ZNF33B: variants seen among roughly 807,000 people sequenced by gnomAD.
The protein encoded by ZNF33B is zinc finger protein 33B.
ZNF33B carries 29 observed loss-of-function variants against 45.8 expected under a neutral mutation model. The observed-to-expected ratio is 0.63, with a 90% CI of 0.47 to 0.86. The LOEUF is 0.86. Among genes scored for constraint, ZNF33B ranks in the 40% least tolerant of loss-of-function variants. ZNF33B has a pLI of 0.00. For synonymous variants in ZNF33B, 305 were observed against 307.8 expected, an observed-to-expected ratio of 0.99 and a Z score of 0.10; for missense variants, 831 against 909.9, an observed-to-expected ratio of 0.91 and a Z score of 1.12.
At chr10:42,637,693 G>A (rs771608526) in intron 1 of ZNF33B, among the ~76,000 whole-genome samples, 1 of 152,104 alleles carries the variant, frequency 6.6e-6, no homozygotes, top group Non-Finnish European at 1.5e-5. Flanking sequence ...ACGGAGTTTC[G>A]TTCTTGTTGC....
chr10:42,606,557 A>G (rs542776276), intron 4 of ZNF33B, among the ~76,000 whole-genome samples: 51 of 152,194 alleles, frequency 3.4e-4, no homozygotes, highest in Non-Finnish European at 4.4e-4. Context: ...GAATTAAAGC[A>G]GAAATGAAGA....
chr10:42,612,877 A>G (rs907543480), intron 4 of ZNF33B, among the ~76,000 whole-genome samples: 3 of 152,138 alleles, frequency 2.0e-5, no homozygotes, highest in African/African-American at 4.8e-5. Flanking sequence ...TATGGATTCA[A>G]TTTATTTAAC....
chr10:42,594,256 C>A lies in ZNF33B; in HGVS notation c.694G>T (p.Ala232Ser). The A allele has an allele frequency of 6.2e-7, 1 of 1,613,752 alleles. No individual in the cohort carries two copies. Reference sequence around the variant, plus strand: ...TCTCTCTTCCGTGTATTGAATACTGCCTTTTCAAGGAGGGTTTCCTGACAT... The same window carrying A: ...TCTCTCTTCCGTGTATTGAATACTGACTTTTCAAGGAGGGTTTCCTGACAT... The part of the protein sequence containing the change: ...SICQETLLEK[A>S]VFNTRKRENA... The change falls in exon 5 of 5, where the codon GCA (alanine) becomes TCA (serine). Residue 232 changes from alanine to serine, a missense_variant. Physicochemically the swap from Ala to Ser is moderately conservative, Grantham distance 99. Coordinates refer to ENST00000359467, the MANE Select transcript of ZNF33B (RefSeq NM_006955.3).
chr10:42,601,663 A>G (rs1837629028), intron 4 of ZNF33B, among the ~76,000 whole-genome samples: 1 of 151,194 alleles, frequency 6.6e-6, no homozygotes, highest in Admixed American at 6.6e-5. Context: ...TAGTAGAGAC[A>G]GGGTTTTGCC....
chr10:42,582,255 T>A (rs1836842306), intron 1 of ZNF33B: 1 of 152,210 alleles, frequency 6.6e-6, no homozygotes, highest in Non-Finnish European at 1.5e-5. Context: ...GTACTGTGTC[T>A]GGAATGAATG....
intron 1 of ZNF33B, chr10:42,582,815 A>C (rs1836851880): frequency 4.0e-6 from 1 of 248,970 alleles, no homozygotes; most frequent in Non-Finnish European, 7.8e-6. Flanking sequence ...AGGACACGAG[A>C]AGCCTCAGCC....
At chr10:42,638,357 G>A (rs1839440652) in intron 1 of ZNF33B, 117 bp downstream of exon 1, 1 of 314,522 alleles carries the variant, frequency 3.2e-6, no homozygotes, top group Admixed American at 4.1e-5. Flanking sequence ...GCCGTCCCCG[G>A]CTTCTCCGTG....
intron 1 of ZNF33B, among the ~76,000 whole-genome samples, chr10:42,581,208 G>A (rs1047118124): frequency 1.3e-5 from 2 of 151,972 alleles, no homozygotes; most frequent in African/African-American, 4.8e-5. Context: ...GGCCCGGGCT[G>A]GGGGCAGTGG....
At chr10:42,632,598 G>A (rs897220491) in intron 2 of ZNF33B, among the ~76,000 whole-genome samples, 159 bp from the exon 3 acceptor site, 1 of 152,136 alleles carries the variant, frequency 6.6e-6, no homozygotes, top group African/African-American at 2.4e-5. Flanking sequence ...ATTAATTCAT[G>A]CAAAAAAATT....
intron 4 of ZNF33B, among the ~76,000 whole-genome samples, chr10:42,616,546 ATGTTT>A (rs1255609188): frequency 6.6e-6 from 1 of 151,914 alleles, no homozygotes; most frequent in East Asian, 1.9e-4. Context: ...CCCAACCTTT[ATGTTT>A]TATTATTTTT....
In ZNF33B at chr10:42,594,144, G is replaced by A. The variant is rs149299503; in HGVS notation, c.806C>T (p.Pro269Leu). The change falls in exon 5 of 5, where the codon CCA becomes CTA. Residue 269 changes from proline to leucine, a missense_variant. Transcript: ENST00000359467. ...SSSLLFHQIP[P>L]SKDSHYEFSD... ...AAATTCATAGTGACTGTCCTTTGAT[G>A]GAGGTATCTGATGGAACAAGAGGGA... 1 of 1,613,800 alleles carries A rather than the reference G, an allele frequency of 6.2e-7. No individual in the cohort carries two copies. Among genetic ancestry groups the A allele is most frequent in the Non-Finnish European group, 8.5e-7 (1 of 1,179,942 alleles).
intron 2 of ZNF33B, 118 bp downstream of exon 2, chr10:42,636,802 T>G: frequency 7.0e-7 from 1 of 1,437,714 alleles, no homozygotes; most frequent in Admixed American, 1.7e-5. Flanking sequence ...CGCTCCAGCC[T>G]GGGCGACAGA....
chr10:42,630,753 G>C (rs1264813616), intron 4 of ZNF33B, among the ~76,000 whole-genome samples: 1 of 152,144 alleles, frequency 6.6e-6, no homozygotes, highest in African/African-American at 2.4e-5. Flanking sequence ...ACAGAGGTGA[G>C]AAAGATCTTA....
intron 4 of ZNF33B, among the ~76,000 whole-genome samples, chr10:42,610,692 C>T (rs1838063722): frequency 6.6e-6 from 1 of 152,168 alleles, no homozygotes; most frequent in Non-Finnish European, 1.5e-5. Context: ...TGGAAAGGCA[C>T]TGAATTGCAT....
chr10:42,633,766 G>A (rs1168531607), intron 2 of ZNF33B, among the ~76,000 whole-genome samples: 2 of 152,200 alleles, frequency 1.3e-5, no homozygotes, highest in Middle Eastern at 3.4e-3. Context: ...ACAGGAGTTC[G>A]AGACCAGCCT....
Position 42,638,532 on chromosome 10 carries a change from G to C in ZNF33B, c.-103C>G. ...AGAGCCGGTAGACCCCTGAAATCCCGGGACCGCCTCCCACGCAAAACGTGA... is the reference window on the plus strand; with the variant it reads ...AGAGCCGGTAGACCCCTGAAATCCCCGGACCGCCTCCCACGCAAAACGTGA... On this transcript the variant is annotated 5_prime_UTR_variant, in exon 1 of 5. Transcript: ENST00000359467. 2 of 482,740 alleles carry C rather than the reference G, an allele frequency of 4.1e-6. No homozygotes were observed. Among genetic ancestry groups the C allele is most frequent in the Admixed American group, 2.2e-5 (1 of 45,164 alleles). 29.9% of individuals were successfully genotyped at this position (482,740 alleles called of 1,614,324 possible). A position where few individuals can be genotyped will look rare whatever the true frequency, so the allele number is the denominator to read the frequency against.
intron 1 of ZNF33B, 61 bp downstream of exon 1, chr10:42,638,413 G>A (rs1839444203): frequency 2.9e-6 from 1 of 347,238 alleles, no homozygotes; most frequent in Non-Finnish European, 5.7e-6. Flanking sequence ...GCCCCCGGCT[G>A]CCTGCTCCTG....
chr10:42,629,053 A>G (rs1221730989), intron 4 of ZNF33B, among the ~76,000 whole-genome samples: 4 of 152,234 alleles, frequency 2.6e-5, no homozygotes, highest in African/African-American at 9.6e-5. Flanking sequence ...TTTGGAATCA[A>G]CTGAAGTGTC....
At chr10:42,614,649 G>C (rs1031281584) in intron 4 of ZNF33B, among the ~76,000 whole-genome samples, 90 of 152,120 alleles carry the variant, frequency 5.9e-4, no homozygotes, top group African/African-American at 2.1e-3. Flanking sequence ...TAGCCAACAG[G>C]TGCATAAAAA....
Sources: gnomAD v4.1 joint callset for allele counts (sites outside exome capture counted in the v4.1 genomes callset) on GRCh38, gnomAD v4.1.1 for gene constraint, MANE v1.5 for transcripts, NCBI Gene and HGNC (gene_info 2026-07-23, HGNC 2026-07-21) for gene names.